Variants in ARHGEF40 observed in about 807,000 individuals in gnomAD.
ARHGEF40 encodes the protein Rho guanine nucleotide exchange factor (GEF) 40.
A neutral mutation model predicts 165.9 loss-of-function variants in ARHGEF40; 98 were observed. The ratio of observed to expected loss-of-function variants is 0.59; its 90% CI spans 0.50 to 0.70. The LOEUF (loss-of-function observed/expected upper bound fraction) is 0.70. Ranked by LOEUF, ARHGEF40 falls within the 30% of genes least tolerant of loss-of-function variation. The probability of loss-of-function intolerance (pLI) is 0.00; values close to 1 mark genes in which losing one functional copy is unlikely to be tolerated. For synonymous variants in ARHGEF40, 792 were observed against 814.3 expected (o/e 0.97, Z 0.47); for missense variants, 1,815 against 1,968.0 (o/e 0.92, Z 1.47).
rs768199727 is a variant in ARHGEF40 at position 21,081,678 on chromosome 14, A to C, written c.2810A>C (p.Glu937Ala). The C allele has an allele frequency of 6.3e-7, 1 of 1,594,192 alleles. No individual in the cohort carries two copies. The highest frequency in any genetic ancestry group is 1.1e-5 in the South Asian group (1 of 89,542). ...LDLGSPAALR[E>A]WGRCQARCQE... ...CTGGGCAGCCCAGCAGCCCTGCGAGAATGGGGCCGCTGCCAGGCCCGCTGC... is the reference window on the plus strand; with the variant it reads ...CTGGGCAGCCCAGCAGCCCTGCGAGCATGGGGCCGCTGCCAGGCCCGCTGC... Residue 937 changes from glutamate (E) to alanine (A), a missense_variant, in exon 14 of 24, where the codon GAA (glutamate) becomes GCA (alanine). Physicochemically the swap from Glu to Ala is moderately radical, Grantham distance 107. Transcript: ENST00000298694.
rs1354091532 is a variant in ARHGEF40, at chr14:21,088,769, GAA to G, written c.4519-58_4519-57del. On this transcript the variant is annotated intron_variant, in intron 22 of 23. Transcript: ENST00000298694. Reference sequence around the variant, plus strand: ...GACAGGCTTGTGGGGAGGAATGGAGGAAAAGAGAGAGAAAGACAAGAAATATG... The same window carrying G: ...GACAGGCTTGTGGGGAGGAATGGAGGAAGAGAGAGAAAGACAAGAAATATG... The G allele has an allele frequency of 2.4e-5, 37 of 1,544,052 alleles. No individual in the cohort carries two copies. In the East Asian group the frequency reaches 7.9e-4, roughly 33 times the overall value.
intron 8 of ARHGEF40, among the ~76,000 whole-genome samples, chr14:21,077,905 A>G (rs1348944134): frequency 2.0e-5 from 3 of 152,232 alleles, no homozygotes; most frequent in Non-Finnish European, 4.4e-5. Flanking sequence ...ACCAAGCTGT[A>G]CAATGTGCCA....
upstream of ARHGEF40, among the ~76,000 whole-genome samples, chr14:21,069,086 T>C (rs1043135452): frequency 1.3e-5 from 2 of 152,194 alleles, no homozygotes; most frequent in Admixed American, 1.3e-4. Context: ...CGATCTCCTC[T>C]CCTCTCCCTT....
Position 21,073,343 on chromosome 14 carries a change from G to A in ARHGEF40, c.201+101G>A. On this transcript the variant is annotated intron_variant, in intron 2 of 23. Transcript: ENST00000298694. This position sits in a 1 kb window ranked among gnomAD's most constrained non-coding sequence, Gnocchi z 4.6. ...ATGCCCCCACTAACCTAGAGATACA[G>A]CCTCCCTTGAAACCGATCTCTCCAG... 1.5e-6 allele frequency: 2 copies of A among 1,301,096 alleles called. No homozygotes were observed. The highest frequency in any genetic ancestry group is 1.4e-5 in the South Asian group (1 of 71,210). The allele number at this position is 1,301,096 out of a possible 1,614,324, so 80.6% of individuals were successfully genotyped here. A position where few individuals can be genotyped will look rare whatever the true frequency, so the allele number is the denominator to read the frequency against.
Position 21,074,593 on chromosome 14 carries a change from C to T in ARHGEF40, c.863C>T (p.Ala288Val), listed in dbSNP as rs377542828. The change falls in exon 3 of 24, where the codon GCG becomes GTG. Residue 288 changes from alanine to valine, a missense_variant. Physicochemically the swap from Ala to Val is moderately conservative, Grantham distance 64. Transcript: ENST00000298694. This position sits in a 1 kb window ranked among gnomAD's most constrained non-coding sequence, Gnocchi z 4.8. ...AAGGGCCGCCACCGGAGACACCGGG[C>T]GTGGATGCACCAGAAGGGCCTGGGG... Reference protein sequence around the residue: ...GGKGRHRRHRAWMHQKGLGPR... With the variant: ...GGKGRHRRHRVWMHQKGLGPR... The T allele has an allele frequency of 7.7e-6, 12 of 1,567,414 alleles. 1 individual carries two copies. Among genetic ancestry groups the T allele is most frequent in the South Asian group, 7.0e-5 (6 of 85,608 alleles).
rs1221466119 is a variant in ARHGEF40, at chr14:21,073,579, C to T, written c.201+337C>T. Among the ~76,000 whole-genome samples, 3 of 152,104 alleles carry T rather than the reference C, an allele frequency of 2.0e-5. No individual in the cohort carries two copies. Among genetic ancestry groups the T allele is most frequent in the South Asian group, 2.1e-4 (1 of 4,818 alleles). On this transcript the variant is annotated intron_variant, in intron 2 of 23. Coordinates refer to ENST00000298694, the MANE Select transcript of ARHGEF40 (RefSeq NM_018071.5). This position sits in a 1 kb window ranked among gnomAD's most constrained non-coding sequence, Gnocchi z 4.6. ...GAATTTCTCAAGACACTAACTCCCC[C>T]GTACATTAGTCAACAGAGATCATTC...
intron 18 of ARHGEF40, among the ~76,000 whole-genome samples, chr14:21,085,252 C>T (rs1208458735): frequency 1.3e-5 from 2 of 152,142 alleles, no homozygotes; most frequent in Non-Finnish European, 2.9e-5. Flanking sequence ...GCACACTATA[C>T]TTTGACTAAA....
At chr14:21,077,049 A>T (rs748585475) in intron 8 of ARHGEF40, among the ~76,000 whole-genome samples, 159 bp downstream of exon 8, 26 of 152,232 alleles carry the variant, frequency 1.7e-4, no homozygotes, top group Non-Finnish European at 3.1e-4. Flanking sequence ...CCAAATCATG[A>T]GGAAAACATG....
At position 21,080,686 on chromosome 14, in the gene ARHGEF40, G is replaced by C; in HGVS notation, c.2400G>C (p.Gly800=). ...TGTTGCAGTGGCTCTCGGGCCCAGG[G>C]GAGGAGCAGCTGGCAAGCTTTGCTA... is the stretch of plus-strand genomic sequence containing the variant. The part of the protein sequence containing the change: ...QQVLQWLSGP[G]EEQLASFAMP... Residue 800 remains glycine (G), a synonymous_variant, in exon 12 of 24, where the codon GGG becomes GGC. Transcript: ENST00000298694. 2 of 1,611,622 alleles carry C rather than the reference G, an allele frequency of 1.2e-6. No individual in the cohort carries two copies. Among genetic ancestry groups the C allele is most frequent in the Non-Finnish European group, 1.7e-6 (2 of 1,179,342 alleles).
chr14:21,087,283 C>A, intron 20 of ARHGEF40, 37 bp from the exon 21 acceptor site: 1 of 1,596,038 alleles, frequency 6.3e-7, no homozygotes, highest in Non-Finnish European at 8.5e-7. Context: ...GGCTTTCCCA[C>A]ACCAGCACCC....
chr14:21,081,929 C>G lies in ARHGEF40; in HGVS notation c.3061C>G (p.Pro1021Ala). ...TGGAGAGGACTATGAGGAAGAGGGC[C>G]CTGAGCTGGCTCCAGAAGCAGAGGG... ...PCGEDYEEEG[P>A]ELAPEAEGRP... Residue 1021 changes from proline to alanine, a missense_variant, in exon 14 of 24, where the codon CCT becomes GCT. Physicochemically the swap from Pro to Ala is conservative, Grantham distance 27. Transcript: ENST00000298694. The G allele has an allele frequency of 6.2e-7, 1 of 1,611,790 alleles. No individual in the cohort carries two copies. The highest frequency in any genetic ancestry group is 8.5e-7 in the Non-Finnish European group (1 of 1,179,154).
At chr14:21,079,363 G>T (rs1166228452) in intron 11 of ARHGEF40, among the ~76,000 whole-genome samples, 1 of 152,126 alleles carries the variant, frequency 6.6e-6, no homozygotes, top group Non-Finnish European at 1.5e-5. Flanking sequence ...CAGCTCATTA[G>T]TTATACTGCC....
chr14:21,074,199 C>G lies in ARHGEF40; in HGVS notation c.469C>G (p.Arg157Gly). ...PEWLQGINKD[R>G]PTGRLSTCLL... The stretch of plus-strand genomic sequence containing the variant: ...GTGGCTACAAGGCATCAACAAGGAC[C>G]GGCCAACAGGTCGCCTCAGTACCTG... The change falls in exon 3 of 24, where the codon CGG (arginine) becomes GGG (glycine). Residue 157 changes from arginine to glycine, a missense_variant. Physicochemically the swap from Arg to Gly is moderately radical, Grantham distance 125 (BLOSUM62 -2). Transcript: ENST00000298694. The surrounding 1 kb of genome is among the most constrained non-coding windows in gnomAD (Gnocchi z 4.8). The G allele has an allele frequency of 1.2e-6, 2 of 1,614,136 alleles. No homozygotes were observed. Among genetic ancestry groups the G allele is most frequent in the Non-Finnish European group, 1.7e-6 (2 of 1,180,028 alleles).
Position 21,082,379 on chromosome 14 carries a change from C to T in ARHGEF40, c.3387C>T (p.Ala1129=), listed in dbSNP as rs1378054813. The change falls in exon 15 of 24, where the codon GCC becomes GCT. Residue 1129 remains alanine, a synonymous_variant. Transcript: ENST00000298694. ...LRGTWAAALS[A]RERLRSFHRT... ...GCACCTGGGCTGCTGCCCTGAGTGC[C>T]CGGGAAAGGCTTCGCAGCTTCCACC... 1 of 1,611,476 alleles carries T rather than the reference C, an allele frequency of 6.2e-7. No homozygotes were observed. Among genetic ancestry groups the T allele is most frequent in the Non-Finnish European group, 8.5e-7 (1 of 1,179,464 alleles).
intron 9 of ARHGEF40, 24 bp downstream of exon 9, chr14:21,078,296 G>T (rs765803391): frequency 6.2e-6 from 10 of 1,611,318 alleles, no homozygotes; most frequent in African/African-American, 2.7e-5. Context: ...TGGGACAGTG[G>T]GGGGATGGGA....
At position 21,070,861 on chromosome 14, in the gene ARHGEF40, C is replaced by T; in HGVS notation, c.3+462C>T. 6.5e-7 allele frequency: 1 copy of T among 1,535,668 alleles called. No individual in the cohort carries two copies. Among genetic ancestry groups the T allele is most frequent in the Non-Finnish European group, 8.7e-7 (1 of 1,146,870 alleles). On this transcript the variant is annotated intron_variant, in intron 1 of 23. Transcript: ENST00000298694. This position sits in a 1 kb window ranked among gnomAD's most constrained non-coding sequence, Gnocchi z 4.7. Reference sequence around the variant, plus strand: ...AACCACCATTTTCCATCCCTGTCCCCAACCCGGTGAGGCAGGCCCACCCAT... The same window carrying T: ...AACCACCATTTTCCATCCCTGTCCCTAACCCGGTGAGGCAGGCCCACCCAT...
chr14:21,068,808 C>T (rs183156241), upstream of ARHGEF40, among the ~76,000 whole-genome samples: 1 of 152,356 alleles, frequency 6.6e-6, no homozygotes, highest in East Asian at 1.9e-4. Context: ...GCAGAGGCCT[C>T]TTCTTGCCTC....
chr14:21,079,380 A>G (rs1887693861), intron 11 of ARHGEF40, among the ~76,000 whole-genome samples: 1 of 152,104 alleles, frequency 6.6e-6, no homozygotes, highest in African/African-American at 2.4e-5. Flanking sequence ...TGCCACACAC[A>G]CACCCTTAAC....
In ARHGEF40 at chr14:21,074,236, C is replaced by T. The variant is rs746319531; in HGVS notation, c.506C>T (p.Ala169Val). ...TGRLSTCLLSAPSGIQRLPWA... is the reference protein window; with the variant it reads ...TGRLSTCLLSVPSGIQRLPWA... ...CGCCTCAGTACCTGCCTACTGTCTG[C>T]GCCCTCTGGGATTCAGCGGCTGCCC... Residue 169 changes from alanine (A) to valine (V), a missense_variant, in exon 3 of 24, where the codon GCG becomes GTG. Transcript: ENST00000298694. This position sits in a 1 kb window ranked among gnomAD's most constrained non-coding sequence, Gnocchi z 4.8. The T allele has an allele frequency of 2.5e-6, 4 of 1,614,128 alleles. No individual in the cohort carries two copies. Among genetic ancestry groups the T allele is most frequent in the South Asian group, 2.2e-5 (2 of 91,090 alleles).
Sources: allele counts gnomAD v4.1 joint callset (sites outside exome capture counted in the v4.1 genomes callset), GRCh38; gene constraint gnomAD v4.1.1; non-coding constraint Gnocchi (gnomAD v3.1); transcripts MANE v1.5; gene names NCBI Gene and HGNC (gene_info 2026-07-23, HGNC 2026-07-21).